Variants in ANKHD1 observed in about 807,000 individuals in gnomAD.
ANKHD1 encodes the protein ankyrin repeat and KH domain-containing protein 1.
A neutral mutation model predicts 230.5 loss-of-function variants in ANKHD1; 31 were observed. The observed-to-expected ratio is 0.13, with a 90% CI of 0.10 to 0.18. ANKHD1 has a LOEUF of 0.18. Ranked by LOEUF, ANKHD1 falls within the 10% of genes least tolerant of loss-of-function variation. ANKHD1 has a pLI of 1.00. For missense variants in ANKHD1, 2,256 were observed against 3,071.3 expected (o/e 0.73, Z 6.27); for synonymous variants, 1,074 against 1,117.6 (o/e 0.96, Z 0.78).
At chr5:140,454,753 G>C (rs1282661644) in intron 7 of ANKHD1, among the ~76,000 whole-genome samples, 1 of 152,148 alleles carries the variant, frequency 6.6e-6, no homozygotes, top group African/African-American at 2.4e-5. Context: ...GTCCACAAGA[G>C]AAAACAGGAA....
chr5:140,481,976 ATCAT>A (rs1332228053), intron 10 of ANKHD1, among the ~76,000 whole-genome samples: 1 of 152,042 alleles, frequency 6.6e-6, no homozygotes, highest in Non-Finnish European at 1.5e-5. Context: ...AAACTGTTTT[ATCAT>A]TCATTCCTCT....
At chr5:140,525,574 A>C (rs893923956) in intron 25 of ANKHD1, among the ~76,000 whole-genome samples, 1 of 152,178 alleles carries the variant, frequency 6.6e-6, no homozygotes, top group Non-Finnish European at 1.5e-5. Flanking sequence ...CCACAGTAAA[A>C]GATTTCTTTA....
intron 10 of ANKHD1, among the ~76,000 whole-genome samples, chr5:140,466,950 A>G (rs1032466959): frequency 8.6e-5 from 13 of 151,974 alleles, no homozygotes; most frequent in Non-Finnish European, 1.8e-4. Flanking sequence ...AAAAAAAAAA[A>G]GGCTCAGATA....
chr5:140,432,592 G>T (rs1008975666), intron 1 of ANKHD1, among the ~76,000 whole-genome samples: 1 of 152,174 alleles, frequency 6.6e-6, no homozygotes, highest in African/African-American at 2.4e-5. Context: ...ATATACCTAA[G>T]AAGTAGAATT....
intron 10 of ANKHD1, among the ~76,000 whole-genome samples, chr5:140,482,257 C>G (rs906976254): frequency 1.3e-5 from 2 of 152,034 alleles, no homozygotes; most frequent in African/African-American, 4.8e-5. Flanking sequence ...TTTTCACAAT[C>G]CAGATAAATA....
At chr5:140,448,608 G>T (rs2126939355) in intron 6 of ANKHD1, among the ~76,000 whole-genome samples, 1 of 152,126 alleles carries the variant, frequency 6.6e-6, no homozygotes, top group Non-Finnish European at 1.5e-5. Flanking sequence ...ATGGTGTCTT[G>T]TTTTAATTTG....
intron 5 of ANKHD1, among the ~76,000 whole-genome samples, chr5:140,442,783 T>G (rs982889431): frequency 6.6e-6 from 1 of 152,210 alleles, no homozygotes; most frequent in Admixed American, 6.5e-5. Context: ...GGCACAGAAA[T>G]CACTGCTATT....
intron 1 of ANKHD1, among the ~76,000 whole-genome samples, chr5:140,426,561 C>A (rs550963540): frequency 1.0e-3 from 153 of 151,650 alleles, no homozygotes; most frequent in Middle Eastern, 6.8e-3. Flanking sequence ...GTGTTTCTCG[C>A]AGAGGGGGAT....
rs978018964 is a variant in ANKHD1 at position 140,535,690 on chromosome 5, C to A, written c.7027+152C>A. 8.2e-6 allele frequency: 9 copies of A among 1,096,972 alleles called. No individual in the cohort carries two copies. The African/African-American group carries it at 1.3e-4, about 16-fold the overall frequency. 68.0% of individuals were successfully genotyped at this position (1,096,972 alleles called of 1,614,324 possible). A position where few individuals can be genotyped will look rare whatever the true frequency, so the allele number is the denominator to read the frequency against. On this transcript the variant is annotated intron_variant, in intron 30 of 33. Coordinates refer to ENST00000360839, the MANE Select transcript of ANKHD1 (RefSeq NM_017747.3). ...GTGGTCATGTGAAAAAATTGTCAGT[C>A]ATTTTTAGCATAGAAAACTTGAGAA... is the stretch of plus-strand genomic sequence containing the variant.
At chr5:140,406,782 C>T (rs760712150) in intron 1 of ANKHD1, among the ~76,000 whole-genome samples, 16 of 152,106 alleles carry the variant, frequency 1.1e-4, no homozygotes, top group Middle Eastern at 3.4e-3. Context: ...GTGATCTGCT[C>T]GCCTAGGTCT....
intron 7 of ANKHD1, among the ~76,000 whole-genome samples, chr5:140,454,195 A>AC (rs1203111512): frequency 6.6e-6 from 1 of 152,210 alleles, no homozygotes; most frequent in African/African-American, 2.4e-5. Flanking sequence ...ATACAGGAGC[A>AC]CCCAGATTCA....
At chr5:140,422,767 A>C (rs1219965418) in intron 1 of ANKHD1, among the ~76,000 whole-genome samples, 2 of 150,912 alleles carry the variant, frequency 1.3e-5, no homozygotes, top group Non-Finnish European at 3.0e-5. Context: ...CCAAGATTGC[A>C]CCATTGCACT....
intron 14 of ANKHD1, among the ~76,000 whole-genome samples, chr5:140,491,250 A>G (rs746996963): frequency 2.4e-4 from 33 of 138,622 alleles, no homozygotes; most frequent in African/African-American, 7.6e-4. Context: ...TGCAGCCCCA[A>G]CCTCCGAGGT....
intron 24 of ANKHD1, among the ~76,000 whole-genome samples, chr5:140,519,509 A>G (rs1336394605): frequency 2.0e-5 from 3 of 152,202 alleles, no homozygotes; most frequent in Admixed American, 6.5e-5. Flanking sequence ...GAGGCATCAC[A>G]CTACCTGACT....
rs151184545 is a variant in ANKHD1, at chr5:140,526,354, G to A, written c.4851G>A (p.Val1617=). Residue 1617 remains valine, a synonymous_variant, in exon 26 of 34, where the codon GTG becomes GTA. Transcript: ENST00000360839. ...SGGKSQELNF[V]MDVNSSKYPS... ...GTAAAAGCCAAGAGTTAAATTTTGT[G>A]ATGGATGTGAATTCCTCTAAATACC... 91 of 1,614,150 alleles carry A rather than the reference G, an allele frequency of 5.6e-5. No homozygotes were observed. In the African/African-American group the frequency reaches 8.4e-4, roughly 15 times the overall value.
chr5:140,485,922 T>C lies in ANKHD1; in HGVS notation c.2142+190T>C, dbSNP rs1431719107. 3 of 836,028 alleles carry C rather than the reference T, an allele frequency of 3.6e-6. No individual in the cohort carries two copies. Among genetic ancestry groups the C allele is most frequent in the Non-Finnish European group, 5.3e-6 (3 of 571,170 alleles). The allele number at this position is 836,028 out of a possible 1,614,324, so 51.8% of individuals were successfully genotyped here. On this transcript the variant is annotated intron_variant, in intron 13 of 33. Coordinates refer to ENST00000360839, the MANE Select transcript of ANKHD1 (RefSeq NM_017747.3). The surrounding 1 kb of genome is among the most constrained non-coding windows in gnomAD (Gnocchi z 4.8). ...CACTGAAATTTGTTATTGCCTTATT[T>C]ATTGAGAATAGTGGTTTTTAAAAAC...
chr5:140,537,196 T>C, intron 30 of ANKHD1, 193 bp from the exon 31 acceptor site: 1 of 1,003,356 alleles, frequency 1.0e-6, no homozygotes, highest in Non-Finnish European at 1.4e-6. Flanking sequence ...CTATAGAAAT[T>C]ATGTTTTATT....
At chr5:140,439,195 G>GT (rs1279095416) in intron 3 of ANKHD1, among the ~76,000 whole-genome samples, 1 of 152,104 alleles carries the variant, frequency 6.6e-6, no homozygotes, top group Non-Finnish European at 1.5e-5. Context: ...GTTTTCTTAG[G>GT]TTTTCGCCTT....
rs767284013 is a variant in ANKHD1, at chr5:140,496,819, A to G, written c.2545A>G (p.Thr849Ala). Reference protein sequence around the residue: ...QKVERQLQMKTQQQFTKEYLE... With the variant: ...QKVERQLQMKAQQQFTKEYLE... ...AGTGGAAAGGCAGTTGCAGATGAAA[A>G]CACAGCAGCAATTTACCAAAGAATA... is the stretch of plus-strand genomic sequence containing the variant. Residue 849 changes from threonine (T) to alanine (A), a missense_variant, in exon 15 of 34, where the codon ACA becomes GCA. This residue lies in a region of ANKHD1 where 358 missense variants were observed against 397.7 expected (regional missense o/e 0.90). Transcript: ENST00000360839. 11 of 1,614,118 alleles carry G rather than the reference A, an allele frequency of 6.8e-6. No individual in the cohort carries two copies. The East Asian group carries it at 8.9e-5, about 13-fold the overall frequency.
Sources: allele counts gnomAD v4.1 joint callset (sites outside exome capture counted in the v4.1 genomes callset), GRCh38; gene constraint gnomAD v4.1.1; regional missense constraint gnomAD v4.1.1; non-coding constraint Gnocchi (gnomAD v3.1); transcripts MANE v1.5; gene names NCBI Gene and HGNC (gene_info 2026-07-23, HGNC 2026-07-21).